The following ZDHHC6 variants were observed in gnomAD, a reference collection of about 807,000 sequenced individuals.
The protein encoded by ZDHHC6 is zDHHC palmitoyltransferase 6.
ZDHHC6 carries 32 observed loss-of-function variants against 57.8 expected under a neutral mutation model. That is an observed-to-expected ratio of 0.55 (90% CI 0.42 to 0.74). ZDHHC6 has a LOEUF of 0.74. ZDHHC6 is among the 30% of genes least tolerant of loss of function. ZDHHC6 has a pLI of 0.00. For missense variants in ZDHHC6, 433 were observed against 500.7 expected (o/e 0.86, Z 1.29); for synonymous variants, 128 against 158.0 (o/e 0.81, Z 1.42).
At chr10:112,426,960 T>G, downstream of ZDHHC6, 1 of 1,150,562 alleles carries the variant, frequency 8.7e-7, no homozygotes, top group East Asian at 2.4e-5. Flanking sequence ...AGGAATTGAT[T>G]TTAGATTTTG....
At chr10:112,427,268 CTT>C, downstream of ZDHHC6, 3 of 1,613,816 alleles carry the variant, frequency 1.9e-6, no homozygotes, top group Non-Finnish European at 2.5e-6. Context: ...AAAATGGGCT[CTT>C]GACACCAACA....
chr10:112,425,919 C>T (rs567789786), downstream of ZDHHC6, among the ~76,000 whole-genome samples: 117 of 152,246 alleles, frequency 7.7e-4, no homozygotes, highest in African/African-American at 2.7e-3. Context: ...TAAGGAACTC[C>T]TTATCCCAAA....
At chr10:112,426,630 G>T, downstream of ZDHHC6, 1 of 673,642 alleles carries the variant, frequency 1.5e-6, no homozygotes. Context: ...TTTCTTCTCA[G>T]TTTTTCTTTC....
intron 6 of ZDHHC6, among the ~76,000 whole-genome samples, chr10:112,436,799 G>A (rs1845575211): frequency 6.6e-6 from 1 of 152,114 alleles, no homozygotes; most frequent in African/African-American, 2.4e-5. Context: ...AGTAAAAATT[G>A]TTTTTAAATA....
At chr10:112,425,934 C>T (rs758125042), downstream of ZDHHC6, among the ~76,000 whole-genome samples, 5 of 152,120 alleles carry the variant, frequency 3.3e-5, no homozygotes, top group African/African-American at 4.8e-5. Flanking sequence ...CCCAAAACAA[C>T]GAACTGTTTT....
downstream of ZDHHC6, chr10:112,426,655 A>G (rs533056648): frequency 1.0e-4 from 77 of 767,374 alleles, 2 homozygotes; most frequent in South Asian, 1.2e-3. Flanking sequence ...TTGGGCATAT[A>G]ATGTGCTTGT....
chr10:112,430,469 G>A lies in ZDHHC6; in HGVS notation c.*335C>T. The A allele has an allele frequency of 6.0e-6, 1 of 167,398 alleles. No individual in the cohort carries two copies. Among genetic ancestry groups the A allele is most frequent in the Non-Finnish European group, 1.3e-5 (1 of 78,242 alleles). The allele number at this position is 167,398 out of a possible 1,614,324, so 10.4% of individuals were successfully genotyped here. ...GAAAAGAGAAGTACCACATGCAGAT[G>A]CTCCTGGCAAGGGGGGAACTGTATC... On this transcript the variant is annotated 3_prime_UTR_variant, in exon 11 of 11. Transcript: ENST00000369405.
chr10:112,433,396 C>G, intron 7 of ZDHHC6, 115 bp from the exon 8 acceptor site: 1 of 797,362 alleles, frequency 1.3e-6, no homozygotes, highest in Non-Finnish European at 1.9e-6. Context: ...TCCAGCATTT[C>G]AAGTTGCTGA....
chr10:112,435,558 T>C (rs1359121546), intron 6 of ZDHHC6, among the ~76,000 whole-genome samples: 1 of 152,226 alleles, frequency 6.6e-6, no homozygotes, highest in Non-Finnish European at 1.5e-5. Context: ...AAATATTTGA[T>C]TATCAGGGGA....
downstream of ZDHHC6, chr10:112,425,452 C>G: frequency 1.2e-6 from 2 of 1,612,724 alleles, no homozygotes; most frequent in Non-Finnish European, 1.7e-6. Flanking sequence ...ACCAGTGTTA[C>G]AAATTTTTGT....
Position 112,445,559 on chromosome 10 carries a change from C to G in ZDHHC6, c.-123G>C, listed in dbSNP as rs967182598. On this transcript the variant is annotated 5_prime_UTR_variant, in exon 2 of 11. Coordinates refer to ENST00000369405, the MANE Select transcript of ZDHHC6 (RefSeq NM_022494.3). Reference sequence around the variant, plus strand: ...AATTGTCATGCCTTCAAGCTGTGAACTGTTAACGCAGATTACACCATTTTC... The same window carrying G: ...AATTGTCATGCCTTCAAGCTGTGAAGTGTTAACGCAGATTACACCATTTTC... 3 of 1,149,612 alleles carry G rather than the reference C, an allele frequency of 2.6e-6. No homozygotes were observed. Among genetic ancestry groups the G allele is most frequent in the African/African-American group, 1.6e-5 (1 of 64,138 alleles). The allele number at this position is 1,149,612 out of a possible 1,614,324, so 71.2% of individuals were successfully genotyped here.
At position 112,432,419 on chromosome 10, in the gene ZDHHC6, G is replaced by GC; in HGVS notation, c.1047_1048insG (p.Gln350AlafsTer25). On this transcript the variant is annotated frameshift_variant, in exon 9 of 11. Coordinates refer to ENST00000369405, the MANE Select transcript of ZDHHC6 (RefSeq NM_022494.3). LOFTEE classifies it high-confidence loss of function. ...AAAATGAATTCCCCTTTTTGCAGCT[G>GC]TATTCGAGGCTCTTCGGTGCAGGGA... 6.2e-7 allele frequency: 1 copy of GC among 1,614,096 alleles called. No individual in the cohort carries two copies. Among genetic ancestry groups the GC allele is most frequent in the Non-Finnish European group, 8.5e-7 (1 of 1,179,990 alleles).
chr10:112,426,996 T>A (rs1219216486), downstream of ZDHHC6: 4 of 882,026 alleles, frequency 4.5e-6, no homozygotes, highest in Non-Finnish European at 7.1e-6. Flanking sequence ...AATGACCTTT[T>A]GTAGTTACTT....
At chr10:112,434,139 C>T in intron 7 of ZDHHC6, among the ~76,000 whole-genome samples, 158 bp downstream of exon 7, 1 of 152,154 alleles carries the variant, frequency 6.6e-6, no homozygotes, top group Non-Finnish European at 1.5e-5. Flanking sequence ...AAGGGAGATA[C>T]ATGATACAAG....
rs181076987 is a variant in ZDHHC6 at position 112,443,585 on chromosome 10, A to G, written c.289T>C (p.Tyr97His). The G allele has an allele frequency of 1.2e-5, 20 of 1,612,976 alleles. No homozygotes were observed. Among genetic ancestry groups the G allele is most frequent in the East Asian group, 2.2e-5 (1 of 44,826 alleles). ...TGGCAGACTTTACAATACTGGAGAT[A>G]CATGGTATCCTGAGAAATTTCCTTG... is the stretch of plus-strand genomic sequence containing the variant. ...WKPEISQDTM[Y>H]LQYCKVCQAY... Residue 97 changes from tyrosine (Y) to histidine (H), a missense_variant, in exon 3 of 11, where the codon TAT becomes CAT. By Grantham distance (83) the Tyr-to-His change is moderately conservative. Transcript: ENST00000369405.
chr10:112,429,719 G>A (rs1171696940), downstream of ZDHHC6, among the ~76,000 whole-genome samples: 1 of 152,240 alleles, frequency 6.6e-6, no homozygotes, highest in Non-Finnish European at 1.5e-5. Context: ...GGGTACATGA[G>A]TAGTTTGATA....
chr10:112,427,269 T>C, downstream of ZDHHC6: 2 of 1,614,004 alleles, frequency 1.2e-6, no homozygotes, highest in Non-Finnish European at 8.5e-7. Flanking sequence ...AAATGGGCTC[T>C]TGACACCAAC....
downstream of ZDHHC6, chr10:112,430,186 A>C (rs1300715159): frequency 6.6e-6 from 1 of 152,286 alleles, no homozygotes; most frequent in Non-Finnish European, 1.5e-5. Flanking sequence ...GTCATGTCTT[A>C]AGCCACGTTT....
chr10:112,439,811 G>A (rs2133879108), intron 5 of ZDHHC6, among the ~76,000 whole-genome samples: 1 of 151,942 alleles, frequency 6.6e-6, no homozygotes, highest in East Asian at 1.9e-4. Flanking sequence ...GTTCCTAAGG[G>A]CAGCTACCTC....
Sources: allele counts gnomAD v4.1 joint callset (sites outside exome capture counted in the v4.1 genomes callset), GRCh38; gene constraint gnomAD v4.1.1; transcripts MANE v1.5; gene names NCBI Gene and HGNC (gene_info 2026-07-23, HGNC 2026-07-21).